Variants in RCBTB2 observed in about 807,000 individuals in gnomAD.
RCBTB2 encodes the protein RCC1 and BTB domain containing protein 2.
RCBTB2 carries 55 observed loss-of-function variants against 65.4 expected under a neutral mutation model. That is an observed-to-expected ratio of 0.84 (90% CI 0.68 to 1.05). RCBTB2 has a LOEUF of 1.05. RCBTB2 is among the 50% of genes least tolerant of loss of function. The pLI is 0.00. For missense variants in RCBTB2, 599 were observed against 680.1 expected, an observed-to-expected ratio of 0.88 and a Z score of 1.33; for synonymous variants, 220 against 255.2, an observed-to-expected ratio of 0.86 and a Z score of 1.31.
chr13:48,535,101 A>G (rs1214855712), upstream of RCBTB2, among the ~76,000 whole-genome samples: 2 of 152,232 alleles, frequency 1.3e-5, no homozygotes, highest in Admixed American at 6.5e-5. Flanking sequence ...TCCCATAAGC[A>G]TATTAACATT....
At chr13:48,522,074 G>A in intron 3 of RCBTB2, 112 bp from the exon 4 acceptor site, 2 of 940,710 alleles carry the variant, frequency 2.1e-6, no homozygotes, top group Non-Finnish European at 3.3e-6. Context: ...CTCAAATGTT[G>A]TGAAAGGAAG....
upstream of RCBTB2, among the ~76,000 whole-genome samples, chr13:48,534,493 C>T (rs974028694): frequency 3.3e-5 from 5 of 152,224 alleles, no homozygotes; most frequent in Non-Finnish European, 7.3e-5. Flanking sequence ...TTGCCTTGCG[C>T]ACTTGGTCTT....
At chr13:48,500,554 C>A (rs1192566989) in intron 12 of RCBTB2, among the ~76,000 whole-genome samples, 2 of 151,864 alleles carry the variant, frequency 1.3e-5, no homozygotes, top group African/African-American at 4.8e-5. Flanking sequence ...AAAGACTCTG[C>A]CATCTAAAAA....
intron 2 of RCBTB2, among the ~76,000 whole-genome samples, chr13:48,524,080 T>G (rs1209880925): frequency 6.6e-6 from 1 of 152,156 alleles, no homozygotes; most frequent in Non-Finnish European, 1.5e-5. Flanking sequence ...AAAAAGTGTT[T>G]TGAATTTTTT....
intron 10 of RCBTB2, among the ~76,000 whole-genome samples, chr13:48,506,072 A>G (rs1249810998): frequency 6.6e-6 from 1 of 152,260 alleles, no homozygotes; most frequent in Non-Finnish European, 1.5e-5. Flanking sequence ...GAATATTTCA[A>G]GTAAAAGGGA....
intron 1 of RCBTB2, 171 bp downstream of exon 1, chr13:48,532,857 G>T (rs1461183281): frequency 5.2e-6 from 2 of 384,694 alleles, no homozygotes; most frequent in Non-Finnish European, 1.0e-5. Flanking sequence ...ACGACGCCTA[G>T]GCCTGTGGCA....
rs1435558629 is a variant in RCBTB2, at chr13:48,521,949, G to A, written c.-10C>T. ...GAAGTTCTTCTTCCATATGGACTCA[G>A]TCCTGGGCAGTCCCTGAGGAAAAAG... On this transcript the variant is annotated 5_prime_UTR_variant, in exon 4 of 15. Coordinates refer to ENST00000344532, the MANE Select transcript of RCBTB2 (RefSeq NM_001268.4). 1.2e-6 allele frequency: 2 copies of A among 1,613,454 alleles called. No homozygotes were observed. Among genetic ancestry groups the A allele is most frequent in the Admixed American group, 3.3e-5 (2 of 59,922 alleles).
At chr13:48,498,621 T>C (rs1266824205) in intron 13 of RCBTB2, among the ~76,000 whole-genome samples, 1 of 151,992 alleles carries the variant, frequency 6.6e-6, no homozygotes, top group Non-Finnish European at 1.5e-5. Context: ...TCCCAGCTAC[T>C]CGAGAGGCTG....
At chr13:48,518,472 A>AAAAAAATATATAT (rs1491137365) in intron 4 of RCBTB2, among the ~76,000 whole-genome samples, 2 of 116,590 alleles carry the variant, frequency 1.7e-5, no homozygotes, top group African/African-American at 7.5e-5. Flanking sequence ...AAAAAAAAAA[A>AAAAAAATATATAT]ATATATATAT....
chr13:48,500,431 G>A (rs1046359693), intron 12 of RCBTB2, among the ~76,000 whole-genome samples: 7 of 152,082 alleles, frequency 4.6e-5, no homozygotes, highest in Non-Finnish European at 1.0e-4. Flanking sequence ...GGTGGTGTGC[G>A]CCTGTAATCC....
In RCBTB2 at chr13:48,501,758, C is replaced by CT; in HGVS notation, c.1227dup (p.Val410SerfsTer8). ...ATTCCTTACCGAATCTTGAGAAGGA[C>CT]TTTATGTGCATAAATGTACTTTCCA... On this transcript the variant is annotated frameshift_variant, in exon 12 of 15. Coordinates refer to ENST00000344532, the MANE Select transcript of RCBTB2 (RefSeq NM_001268.4). LOFTEE classifies it high-confidence loss of function. The CT allele has an allele frequency of 6.2e-7, 1 of 1,612,324 alleles. No individual in the cohort carries two copies. Among genetic ancestry groups the CT allele is most frequent in the Non-Finnish European group, 8.5e-7 (1 of 1,178,658 alleles).
chr13:48,531,146 G>A (rs1032494718), intron 1 of RCBTB2, among the ~76,000 whole-genome samples: 5 of 152,110 alleles, frequency 3.3e-5, no homozygotes, highest in African/African-American at 9.7e-5. Flanking sequence ...TTGCTAGAAT[G>A]TAAGCTCCAG....
Position 48,510,651 on chromosome 13 carries a change from G to C in RCBTB2, c.904C>G (p.Pro302Ala). The C allele has an allele frequency of 6.2e-7, 1 of 1,614,182 alleles. No homozygotes were observed. Reference sequence around the variant, plus strand: ...TACCTGTCCTTTTCCACAGTGACAGGAGTAGGATAGGACTGGTTGCTTTTA... The same window carrying C: ...TACCTGTCCTTTTCCACAGTGACAGCAGTAGGATAGGACTGGTTGCTTTTA... Reference protein sequence around the residue: ...GNKSNQSYPTPVTVEKDRIIE... With the variant: ...GNKSNQSYPTAVTVEKDRIIE... The change falls in exon 10 of 15, where the codon CCT (proline) becomes GCT (alanine). Residue 302 changes from proline (P) to alanine (A), a missense_variant. Pro to Ala is a conservative substitution (Grantham distance 27). Coordinates refer to ENST00000344532, the MANE Select transcript of RCBTB2 (RefSeq NM_001268.4).
intron 1 of RCBTB2, among the ~76,000 whole-genome samples, chr13:48,528,510 T>C (rs1308981379): frequency 6.6e-6 from 1 of 152,132 alleles, no homozygotes; most frequent in Non-Finnish European, 1.5e-5. Context: ...TTAAATAATA[T>C]CGATATCTTT....
intron 14 of RCBTB2, among the ~76,000 whole-genome samples, chr13:48,495,205 C>A (rs1949915330): frequency 6.6e-6 from 1 of 151,856 alleles, no homozygotes; most frequent in African/African-American, 2.4e-5. Context: ...TCTTTCCTTT[C>A]TTTATTATCA....
intron 4 of RCBTB2, among the ~76,000 whole-genome samples, chr13:48,516,771 A>T (rs549119104): frequency 6.6e-6 from 1 of 152,334 alleles, no homozygotes; most frequent in East Asian, 1.9e-4. Flanking sequence ...CTCCTATAAG[A>T]GGAAGTTATA....
rs1229869065 is a variant in RCBTB2 at position 48,511,856 on chromosome 13, C to A, written c.697G>T (p.Gly233Ter). Reference protein sequence around the residue: ...TGEVYVWGYNGNGQLGLGNSG... With the variant: ...TGEVYVWGYN ...TTGCCGAGTCCAAGCTGCCCGTTTCCGTTGTAACCCCAGACATAGACCTGA... is the reference window on the plus strand; with the variant it reads ...TTGCCGAGTCCAAGCTGCCCGTTTCAGTTGTAACCCCAGACATAGACCTGA... Residue 233 changes from glycine (G) to a stop codon, truncating the protein, a stop_gained, in exon 9 of 15, where the codon GGA becomes TGA. Transcript: ENST00000344532. LOFTEE classifies it high-confidence loss of function. The A allele has an allele frequency of 6.2e-7, 1 of 1,614,152 alleles. No homozygotes were observed. Among genetic ancestry groups the A allele is most frequent in the African/African-American group, 1.3e-5 (1 of 75,030 alleles).
rs752020037 is a variant in RCBTB2, at chr13:48,490,148, A to G, written c.1619T>C (p.Ile540Thr). Residue 540 changes from isoleucine (I) to threonine (T), a missense_variant, in exon 15 of 15, where the codon ATC (isoleucine) becomes ACC (threonine). Physicochemically the swap from Ile to Thr is moderately conservative, Grantham distance 89. Coordinates refer to ENST00000344532, the MANE Select transcript of RCBTB2 (RefSeq NM_001268.4). ...EMDHDLLKNF[I>T]SKASRVGAFK... The stretch of plus-strand genomic sequence containing the variant: ...GGCTCCAACTCTGCTTGCTTTGCTG[A>G]TAAAGTTCTTCAGGAGATCATGGTC... The G allele has an allele frequency of 3.7e-6, 6 of 1,614,156 alleles. No homozygotes were observed. Among genetic ancestry groups the G allele is most frequent in the Non-Finnish European group, 5.1e-6 (6 of 1,179,998 alleles).
intron 9 of RCBTB2, 128 bp from the exon 10 acceptor site, chr13:48,510,899 T>C (rs1950754975): frequency 6.6e-6 from 6 of 902,394 alleles, no homozygotes; most frequent in Non-Finnish European, 8.3e-6. Context: ...GAGGCAAGCA[T>C]TAAGTTAACC....
Sources: gnomAD v4.1 joint callset for allele counts (sites outside exome capture counted in the v4.1 genomes callset) on GRCh38, gnomAD v4.1.1 for gene constraint, MANE v1.5 for transcripts, NCBI Gene and HGNC (gene_info 2026-07-23, HGNC 2026-07-21) for gene names.